IQSEC1: variants seen among roughly 807,000 people sequenced by gnomAD.
The protein encoded by IQSEC1 is IQ motif and SEC7 domain-containing protein 1.
IQSEC1 carries 31 observed loss-of-function variants against 91.0 expected under a neutral mutation model. The observed-to-expected ratio is 0.34, with a 90% confidence interval of 0.26 to 0.46. The LOEUF is 0.46. Ranked by LOEUF, IQSEC1 falls within the 20% of genes least tolerant of loss-of-function variation. The pLI, the probability that IQSEC1 is intolerant of heterozygous loss-of-function variation, is 1.00. For synonymous variants in IQSEC1, 699 were observed against 662.6 expected (o/e 1.05, Z -0.84); for missense variants, 1,388 against 1,575.6 (o/e 0.88, Z 2.02).
rs1705907011 is a variant in IQSEC1 at position 13,093,732 on chromosome 3, C to A, written c.303-46210G>T. On this transcript the variant is annotated intron_variant, in intron 2 of 15. Transcript: ENST00000648114. ...GAGCACTGATGACGACTGAGGCATA[C>A]ACAGTTGGATCCACTGTCTGGCATC... Among the ~76,000 whole-genome samples, 3 of 152,216 alleles carry A rather than the reference C, an allele frequency of 2.0e-5. No homozygotes were observed. In the South Asian group the frequency reaches 6.2e-4, roughly 31 times the overall value.
intron 1 of IQSEC1, among the ~76,000 whole-genome samples, chr3:13,241,470 C>CTA: frequency 6.6e-6 from 1 of 152,236 alleles, no homozygotes; most frequent in Non-Finnish European, 1.5e-5. Flanking sequence ...AGGATGCTGG[C>CTA]AGCTTCAGCT....
chr3:13,151,945 G>A (rs778584531), intron 2 of IQSEC1, among the ~76,000 whole-genome samples: 11 of 152,108 alleles, frequency 7.2e-5, no homozygotes, highest in Non-Finnish European at 1.0e-4. Context: ...CAGGCTGGGT[G>A]ACAGAAGCGA....
At position 12,939,176 on chromosome 3, in the gene IQSEC1, G is replaced by A. The variant is rs182134445; in HGVS notation, c.318+2395C>T. Among the ~76,000 whole-genome samples the A allele has an allele frequency of 1.9e-4, 29 of 152,254 alleles. No individual in the cohort carries two copies. The East Asian group carries it at 3.1e-3, about 16-fold the overall frequency. Reference sequence around the variant, plus strand: ...ACAAGACACTCAGCGGAGGGAAGACGCTCAGCGGAGGGAAGCCGCTGCCCC... The same window carrying A: ...ACAAGACACTCAGCGGAGGGAAGACACTCAGCGGAGGGAAGCCGCTGCCCC... On this transcript the variant is annotated intron_variant, in intron 2 of 13. Coordinates refer to ENST00000613206, the MANE Select transcript of IQSEC1 (RefSeq NM_001134382.3).
intron 1 of IQSEC1, 70 bp downstream of exon 1, chr3:13,072,922 C>G: frequency 7.1e-7 from 1 of 1,410,230 alleles, no homozygotes; most frequent in Non-Finnish European, 9.8e-7. Context: ...ATGCCCCTCA[C>G]TCCAGCTCCC....
chr3:13,147,364 T>C (rs1193845386), intron 2 of IQSEC1, among the ~76,000 whole-genome samples: 2 of 146,854 alleles, frequency 1.4e-5, no homozygotes, highest in African/African-American at 5.0e-5. Context: ...TCACACCGTA[T>C]GCCTTTATGT....
chr3:13,255,223 C>T (rs952353874), intron 1 of IQSEC1, among the ~76,000 whole-genome samples: 1 of 152,188 alleles, frequency 6.6e-6, no homozygotes, highest in Non-Finnish European at 1.5e-5. Flanking sequence ...GGAGCCACTG[C>T]CTCTCTCCCC....
chr3:13,060,903 G>GC (rs761786582), intron 1 of IQSEC1, among the ~76,000 whole-genome samples: 23 of 136,996 alleles, frequency 1.7e-4, no homozygotes, highest in Non-Finnish European at 3.1e-4. Context: ...CCTCAGCCCA[G>GC]GGGGGAGCCT....
intron 1 of IQSEC1, among the ~76,000 whole-genome samples, chr3:13,021,591 T>C: frequency 6.6e-6 from 1 of 152,218 alleles, no homozygotes; most frequent in South Asian, 2.1e-4. Flanking sequence ...CAGCCTGGTG[T>C]CTGAGTCCGG....
rs558229558 is a variant in IQSEC1 at position 13,266,541 on chromosome 3, A to G, written c.272+16170T>C. ...TCAGGGAAACCCACACAGCGTGCACAGAGCAGCAGTCAGCAGCTCCGATGA... is the reference window on the plus strand; with the variant it reads ...TCAGGGAAACCCACACAGCGTGCACGGAGCAGCAGTCAGCAGCTCCGATGA... On this transcript the variant is annotated intron_variant, in intron 1 of 15. Coordinates refer to the IQSEC1 transcript ENST00000648114. Among the ~76,000 whole-genome samples the G allele has an allele frequency of 1.3e-3, 191 of 151,752 alleles. 1 individual carries two copies. The highest frequency in any genetic ancestry group is 3.5e-3 in the South Asian group (17 of 4,798).
chr3:12,951,065 G>A (rs1025301620), intron 1 of IQSEC1, among the ~76,000 whole-genome samples: 7 of 152,170 alleles, frequency 4.6e-5, no homozygotes, highest in Non-Finnish European at 8.8e-5. Context: ...TAGCTATGAT[G>A]ACATGACTGT....
rs1277915433 is a variant in IQSEC1, at chr3:13,214,179, G to A, written c.273-50046C>T. Among the ~76,000 whole-genome samples, 3 of 152,158 alleles carry A rather than the reference G, an allele frequency of 2.0e-5. No individual in the cohort carries two copies. The highest frequency in any genetic ancestry group is 4.8e-5 in the African/African-American group (2 of 41,424). ...CTGCCAAAGGGTCCCAACCCTTAAC[G>A]CGACGAACCCCTCTCTTACCCTTCT... On this transcript the variant is annotated intron_variant, in intron 1 of 15. Coordinates refer to the IQSEC1 transcript ENST00000648114. This position sits in a 1 kb window ranked among gnomAD's most constrained non-coding sequence, Gnocchi z 4.5.
intron 2 of IQSEC1, among the ~76,000 whole-genome samples, chr3:13,120,279 C>T (rs564451836): frequency 1.3e-5 from 2 of 152,314 alleles, no homozygotes; most frequent in South Asian, 4.1e-4. Context: ...AAGGTGGTGA[C>T]TGTCATTGCC....
At chr3:12,928,210 G>C (rs1485820769) in intron 3 of IQSEC1, among the ~76,000 whole-genome samples, 1 of 151,368 alleles carries the variant, frequency 6.6e-6, no homozygotes, top group African/African-American at 2.4e-5. Flanking sequence ...GTCAATATTT[G>C]CTGATGGATC....
chr3:13,223,406 G>C (rs1403057966), intron 1 of IQSEC1, among the ~76,000 whole-genome samples: 3 of 152,170 alleles, frequency 2.0e-5, no homozygotes, highest in African/African-American at 7.2e-5. Context: ...CCACCTCCTG[G>C]CACAGCCTCC....
At chr3:13,131,024 G>GAAGGAAGGAAGGA in intron 2 of IQSEC1, among the ~76,000 whole-genome samples, 1 of 123,380 alleles carries the variant, frequency 8.1e-6, no homozygotes, top group Admixed American at 7.5e-5. Flanking sequence ...GAACGGAAGG[G>GAAGGAAGGAAGGA]AAGGAAGGAA....
In IQSEC1 at chr3:12,935,363, T is replaced by C. The variant is rs2600206; in HGVS notation, c.1568+85A>G. On this transcript the variant is annotated intron_variant, in intron 3 of 13. Coordinates refer to ENST00000613206, the MANE Select transcript of IQSEC1 (RefSeq NM_001134382.3). The surrounding 1 kb of genome is among the most constrained non-coding windows in gnomAD (Gnocchi z 8.0). ...AGGCCACGGTGGACCTCAAGCTCCG[T>C]GCTTGGAAGGATGCAGCCACGCCCA... The C allele has an allele frequency of 0.59, 802,537 of 1,349,830 alleles. 243,254 individuals are homozygous for C. Among genetic ancestry groups the C allele is most frequent in the Non-Finnish European group, 0.63 (614,927 of 974,900 alleles). 83.6% of individuals were successfully genotyped at this position (1,349,830 alleles called of 1,614,324 possible).
intron 1 of IQSEC1, among the ~76,000 whole-genome samples, chr3:13,050,767 C>T (rs1366526296): frequency 2.0e-5 from 3 of 152,198 alleles, no homozygotes; most frequent in Admixed American, 2.0e-4. Context: ...ACAGAGTCGG[C>T]ATTCCATAAA....
chr3:13,065,130 G>A (rs1705191868), intron 1 of IQSEC1, among the ~76,000 whole-genome samples: 1 of 152,236 alleles, frequency 6.6e-6, no homozygotes, highest in Admixed American at 6.5e-5. Context: ...CCCATGGAAG[G>A]AGACCACCAC....
chr3:13,000,066 C>T (rs1346097374), intron 1 of IQSEC1, among the ~76,000 whole-genome samples: 1 of 152,174 alleles, frequency 6.6e-6, no homozygotes, highest in Non-Finnish European at 1.5e-5. Flanking sequence ...TATTTCATAT[C>T]ATTGTGTATT....
Sources: allele counts gnomAD v4.1 joint callset (sites outside exome capture counted in the v4.1 genomes callset), GRCh38; gene constraint gnomAD v4.1.1; non-coding constraint Gnocchi (gnomAD v3.1); transcripts MANE v1.5; gene names NCBI Gene and HGNC (gene_info 2026-07-23, HGNC 2026-07-21).